The following DLGAP2 variants were observed in gnomAD, a reference collection of about 807,000 sequenced individuals.
DLGAP2 encodes disks large-associated protein 2.
In DLGAP2, 26 loss-of-function variants were observed where a neutral mutation model predicts 100.3. The ratio of observed to expected loss-of-function variants is 0.26; its 90% CI spans 0.19 to 0.36. DLGAP2 has a LOEUF of 0.36. Among genes scored for constraint, DLGAP2 ranks in the 10% least tolerant of loss-of-function variants. The pLI is 1.00. For synonymous variants in DLGAP2, 886 were observed against 630.1 expected, an observed-to-expected ratio of 1.41 and a Z score of -6.08; for missense variants, 1,858 against 1,453.2, an observed-to-expected ratio of 1.28 and a Z score of -4.53.
At chr8:1,568,858 C>T (rs1421506215) in intron 6 of DLGAP2, among the ~76,000 whole-genome samples, 9 of 119,832 alleles carry the variant, frequency 7.5e-5, no homozygotes, top group East Asian at 2.7e-4. Context: ...CCCCATGCCA[C>T]TGTCCACTCA....
intron 3 of DLGAP2, among the ~76,000 whole-genome samples, chr8:1,276,211 C>G (rs552803693): frequency 8.7e-5 from 13 of 149,614 alleles, no homozygotes; most frequent in Admixed American, 5.4e-4. Flanking sequence ...AATCAACACT[C>G]CCCCCCCGAC....
chr8:761,099 C>G (rs767174701), intron 1 of DLGAP2, among the ~76,000 whole-genome samples: 1 of 152,168 alleles, frequency 6.6e-6, no homozygotes, highest in Non-Finnish European at 1.5e-5. Context: ...CTCTGCACGT[C>G]GCTTGTGTCC....
chr8:1,355,116 G>A (rs1801818633), intron 3 of DLGAP2, among the ~76,000 whole-genome samples: 1 of 152,260 alleles, frequency 6.6e-6, no homozygotes, highest in Non-Finnish European at 1.5e-5. Flanking sequence ...GAAAGTCACG[G>A]AAATGTGCGT....
chr8:1,162,810 G>C (rs926537093), intron 2 of DLGAP2, among the ~76,000 whole-genome samples: 1 of 152,250 alleles, frequency 6.6e-6, no homozygotes, highest in African/African-American at 2.4e-5. Flanking sequence ...AAACGGCCCA[G>C]TTCTGATCTC....
intron 1 of DLGAP2, among the ~76,000 whole-genome samples, chr8:840,056 G>A (rs1300776490): frequency 2.1e-5 from 1 of 48,032 alleles, no homozygotes; most frequent in Non-Finnish European, 3.9e-5. Flanking sequence ...ACGCCTGCAC[G>A]TCTCCCCACA....
chr8:1,044,449 C>T (rs113230271), intron 2 of DLGAP2, among the ~76,000 whole-genome samples: 1 of 152,198 alleles, frequency 6.6e-6, no homozygotes, highest in Non-Finnish European at 1.5e-5. Context: ...GTGAGTTGGT[C>T]TCACCGCACC....
intron 2 of DLGAP2, among the ~76,000 whole-genome samples, chr8:937,524 C>T (rs1799098945): frequency 6.6e-6 from 1 of 152,294 alleles, no homozygotes; most frequent in South Asian, 2.1e-4. Context: ...TGGAAAGACC[C>T]TCAGCTCTGT....
intron 8 of DLGAP2, among the ~76,000 whole-genome samples, chr8:1,640,501 C>G (rs1036461683): frequency 3.9e-5 from 6 of 152,194 alleles, no homozygotes; most frequent in African/African-American, 1.2e-4. Context: ...TTCCCAGCCG[C>G]TCAGGATGTC....
At chr8:1,491,285 G>A (rs1255102521) in intron 3 of DLGAP2, among the ~76,000 whole-genome samples, 4 of 148,990 alleles carry the variant, frequency 2.7e-5, no homozygotes, top group Non-Finnish European at 4.4e-5. Context: ...AGGAACTGCC[G>A]ATGCTGTGAG....
At chr8:1,305,869 T>C (rs1800477757) in intron 3 of DLGAP2, among the ~76,000 whole-genome samples, 1 of 152,218 alleles carries the variant, frequency 6.6e-6, no homozygotes, top group African/African-American at 2.4e-5. Flanking sequence ...AAGTGTGCCC[T>C]TGCCTGCCCT....
intron 6 of DLGAP2, among the ~76,000 whole-genome samples, chr8:1,598,026 G>A (rs115938681): frequency 0.05 from 7,501 of 150,756 alleles, 200 homozygotes; most frequent in South Asian, 0.058. Context: ...AGCTCTTATT[G>A]AGATACTTCA....
chr8:1,130,323 A>G (rs1323771522), intron 2 of DLGAP2, among the ~76,000 whole-genome samples: 2 of 152,136 alleles, frequency 1.3e-5, no homozygotes, highest in African/African-American at 4.8e-5. Context: ...ATGTGATTGT[A>G]TGGGTGTATT....
In DLGAP2 at chr8:917,689, T is replaced by A. The variant is rs567737554; in HGVS notation, c.73+9723T>A. On this transcript the variant is annotated intron_variant, in intron 2 of 14. Transcript: ENST00000637795. ...TCCACCTCCCAGGTTCAAATCATTC[T>A]CCTGCCTCAGCCTCCTGAGTAGCTG... is the stretch of plus-strand genomic sequence containing the variant. Among the ~76,000 whole-genome samples, 3 of 152,288 alleles carry A rather than the reference T, an allele frequency of 2.0e-5. No individual in the cohort carries two copies. The South Asian group carries it at 6.2e-4, about 32-fold the overall frequency.
chr8:903,887 C>A (rs1029494463), intron 1 of DLGAP2, among the ~76,000 whole-genome samples: 9 of 152,222 alleles, frequency 5.9e-5, no homozygotes, highest in Non-Finnish European at 1.0e-4. Context: ...AGGAACACTT[C>A]CCCAGCTCAG....
intron 2 of DLGAP2, among the ~76,000 whole-genome samples, chr8:1,228,863 G>T (rs901385592): frequency 3.9e-5 from 6 of 152,066 alleles, no homozygotes; most frequent in African/African-American, 1.2e-4. Flanking sequence ...CTCAGTGACC[G>T]GGAGCAAGAC....
At chr8:1,205,637 G>A (rs7463994) in intron 2 of DLGAP2, among the ~76,000 whole-genome samples, 1 of 151,974 alleles carries the variant, frequency 6.6e-6, no homozygotes, top group Non-Finnish European at 1.5e-5. Flanking sequence ...CCTCTGCTCA[G>A]CTCGCCTCGG....
At chr8:1,534,192 G>C (rs962928360) in intron 4 of DLGAP2, among the ~76,000 whole-genome samples, 1 of 152,174 alleles carries the variant, frequency 6.6e-6, no homozygotes, top group Non-Finnish European at 1.5e-5. Context: ...CCCTGATCTT[G>C]TTTCAAAGGA....
intron 2 of DLGAP2, among the ~76,000 whole-genome samples, chr8:997,133 C>T (rs958089725): frequency 2.0e-5 from 3 of 152,170 alleles, no homozygotes; most frequent in Non-Finnish European, 4.4e-5. Context: ...TATAGAATAG[C>T]ATGATCCTAA....
At chr8:1,411,498 A>C (rs1422929591) in intron 3 of DLGAP2, among the ~76,000 whole-genome samples, 1 of 152,174 alleles carries the variant, frequency 6.6e-6, no homozygotes, top group African/African-American at 2.4e-5. Flanking sequence ...CCGGCTCCCT[A>C]GCCTGGTGAC....
Sources: allele counts gnomAD v4.1 joint callset (sites outside exome capture counted in the v4.1 genomes callset), GRCh38; gene constraint gnomAD v4.1.1; transcripts MANE v1.5; gene names NCBI Gene and HGNC (gene_info 2026-07-23, HGNC 2026-07-21).